Variants in TNFAIP8 observed in about 807,000 individuals in gnomAD.
TNFAIP8 encodes the protein TNF alpha induced protein 8, also known as tumor necrosis factor alpha-induced protein 8.
In TNFAIP8, 7 loss-of-function variants were observed where a neutral mutation model predicts 13.3. That is an observed-to-expected ratio of 0.52 (90% CI 0.30 to 0.99). The LOEUF (loss-of-function observed/expected upper bound fraction) is 0.99. TNFAIP8 is among the 50% of genes least tolerant of loss of function. The pLI is 0.07. For synonymous variants in TNFAIP8, 94 were observed against 87.6 expected, an observed-to-expected ratio of 1.07 and a Z score of -0.41; for missense variants, 258 against 236.9, an observed-to-expected ratio of 1.09 and a Z score of -0.58.
At chr5:119,363,434 G>A (rs778991582) in intron 1 of TNFAIP8, among the ~76,000 whole-genome samples, 12 of 152,182 alleles carry the variant, frequency 7.9e-5, no homozygotes, top group Non-Finnish European at 1.8e-4. Context: ...CTCCATTTCT[G>A]CATGCTTTCC....
At chr5:119,364,022 G>A (rs997337723) in intron 1 of TNFAIP8, among the ~76,000 whole-genome samples, 15 of 152,240 alleles carry the variant, frequency 9.9e-5, no homozygotes, top group African/African-American at 3.6e-4. Context: ...GTAGAGGGAT[G>A]CAAGCTTCCA....
chr5:119,268,862 C>G, exon 1 of TNFAIP8: 1 of 703,666 alleles, frequency 1.4e-6, no homozygotes. Context: ...GCCAAACAGC[C>G]CAGCTCGCGC....
At chr5:119,380,857 G>C (rs1752458371) in intron 1 of TNFAIP8, among the ~76,000 whole-genome samples, 1 of 152,056 alleles carries the variant, frequency 6.6e-6, no homozygotes, top group Admixed American at 6.5e-5. Flanking sequence ...AATATAGTGA[G>C]CTCTGTTTAG....
chr5:119,296,609 C>T (rs1277962404), intron 1 of TNFAIP8, among the ~76,000 whole-genome samples: 2 of 152,058 alleles, frequency 1.3e-5, no homozygotes, highest in Admixed American at 6.5e-5. Context: ...TGCCTGTGCC[C>T]GGCTTTGGTA....
At chr5:119,339,777 C>T (rs1473351388) in intron 1 of TNFAIP8, among the ~76,000 whole-genome samples, 4 of 152,106 alleles carry the variant, frequency 2.6e-5, no homozygotes, top group South Asian at 4.1e-4. Flanking sequence ...ACACTGAAGT[C>T]CAATATAATT....
At chr5:119,329,589 A>G (rs897221994) in intron 1 of TNFAIP8, among the ~76,000 whole-genome samples, 1 of 152,214 alleles carries the variant, frequency 6.6e-6, no homozygotes, top group Non-Finnish European at 1.5e-5. Flanking sequence ...GCGATATGAT[A>G]TGAAGAGAAA....
intron 1 of TNFAIP8, among the ~76,000 whole-genome samples, chr5:119,307,757 T>G (rs993903133): frequency 1.3e-5 from 2 of 152,070 alleles, no homozygotes; most frequent in Non-Finnish European, 2.9e-5. Context: ...AAGTGTATTT[T>G]AGTAAGACTG....
rs1753090227 is a variant in TNFAIP8, at chr5:119,397,041, T to C, written c.*3660T>C. 6.8e-6 allele frequency: 1 copy of C among 147,886 alleles called. No homozygotes were observed. 9.2% of individuals were successfully genotyped at this position (147,886 alleles called of 1,614,324 possible). ...AAGCATGAGTTAAGAACTTTGATCG[T>C]ACAGAAATATTGCGTTTTAAACTCT... On this transcript the variant is annotated 3_prime_UTR_variant, in exon 2 of 2. Transcript: ENST00000504771.
upstream of TNFAIP8, chr5:119,355,867 G>T (rs963698533): frequency 3.9e-5 from 44 of 1,125,558 alleles, no homozygotes; most frequent in Non-Finnish European, 4.8e-5. Flanking sequence ...CTCCGGGGGC[G>T]GACTCCCGCC....
At chr5:119,349,462 G>T (rs1478357537) in intron 1 of TNFAIP8, among the ~76,000 whole-genome samples, 2 of 152,220 alleles carry the variant, frequency 1.3e-5, no homozygotes, top group Non-Finnish European at 2.9e-5. Context: ...GAGGAAAAAT[G>T]AAGAAATAAT....
chr5:119,346,042 C>A (rs1750890902), intron 1 of TNFAIP8, among the ~76,000 whole-genome samples: 1 of 152,076 alleles, frequency 6.6e-6, no homozygotes, highest in Non-Finnish European at 1.5e-5. Context: ...GATAGAGCAC[C>A]CAAACACATG....
At chr5:119,310,462 GGAA>G (rs1581594057) in intron 1 of TNFAIP8, among the ~76,000 whole-genome samples, 2 of 152,230 alleles carry the variant, frequency 1.3e-5, no homozygotes, top group South Asian at 4.1e-4. Flanking sequence ...GTAGGGACAA[GGAA>G]GAAGATCTCA....
intron 1 of TNFAIP8, chr5:119,306,318 C>CTTTTTTTTTTTTTTTTTTTTTT (rs770923933): frequency 8.2e-6 from 1 of 121,758 alleles, no homozygotes; most frequent in African/African-American, 4.2e-5. Context: ...TTCTTTCTTT[C>CTTTTTTTTTTTTTTTTTTTTTT]TTTTTCTTTT....
rs56896742 is a variant in TNFAIP8 at position 119,292,645 on chromosome 5, CATATATATATATATATATATAT to C, written c.1+23758_1+23779del. 7.6e-4 allele frequency among the ~76,000 whole-genome samples: 25 copies of C among 32,830 alleles called. 1 individual carries two copies. Among genetic ancestry groups the C allele is most frequent in the South Asian group, 2.3e-3 (1 of 430 alleles). 21.5% of individuals were successfully genotyped at this position (32,830 alleles called of 152,430 possible). On this transcript the variant is annotated intron_variant, in intron 1 of 1. Transcript: ENST00000274456. Reference sequence around the variant, plus strand: ...ATTAGTGAATGAATAATCAATGTAGCATATATATATATATATATATATATATATATATATATATATACACACA... The same window carrying C: ...ATTAGTGAATGAATAATCAATGTAGCATATATATATATATATATACACACA...
At chr5:119,354,681 TC>T (rs1751314705), upstream of TNFAIP8, 2 of 152,434 alleles carry the variant, frequency 1.3e-5, no homozygotes, top group African/African-American at 4.8e-5. Context: ...ACTATTTTTA[TC>T]TTCATTTTAC....
intron 1 of TNFAIP8, among the ~76,000 whole-genome samples, chr5:119,319,392 T>C (rs1304982391): frequency 1.3e-5 from 2 of 152,238 alleles, no homozygotes; most frequent in Admixed American, 6.5e-5. Flanking sequence ...CAGTTAATAC[T>C]GTAGAGACCC....
At chr5:119,309,737 C>T (rs1749674385) in intron 1 of TNFAIP8, among the ~76,000 whole-genome samples, 2 of 152,272 alleles carry the variant, frequency 1.3e-5, no homozygotes, top group Admixed American at 1.3e-4. Context: ...ATTCTGATAA[C>T]CCCAAAGCCC....
chr5:119,392,856 G>C lies in TNFAIP8; in HGVS notation c.72G>C (p.Gln24His). The change falls in exon 2 of 2, where the codon CAG (glutamine) becomes CAC (histidine). Residue 24 changes from glutamine (Q) to histidine (H), a missense_variant. Gln to His is a conservative substitution (Grantham distance 24, BLOSUM62 0). Transcript: ENST00000504771. The stretch of plus-strand genomic sequence containing the variant: ...TTAATTCCAAAAACCTGGCCGTTCA[G>C]GCACAAAAGAAGATCTTGGGTAAAA... ...DVFNSKNLAV[Q>H]AQKKILGKMV... is the part of the protein sequence containing the mutation. 1 of 1,559,992 alleles carries C rather than the reference G, an allele frequency of 6.4e-7. No homozygotes were observed. Among genetic ancestry groups the C allele is most frequent in the Non-Finnish European group, 8.7e-7 (1 of 1,152,316 alleles).
intron 1 of TNFAIP8, among the ~76,000 whole-genome samples, chr5:119,366,601 G>A (rs1751865834): frequency 6.6e-6 from 1 of 152,232 alleles, no homozygotes; most frequent in Admixed American, 6.5e-5. Flanking sequence ...TCATTTCAAA[G>A]CTGCCTGTGA....
Sources: allele counts gnomAD v4.1 joint callset (sites outside exome capture counted in the v4.1 genomes callset), GRCh38; gene constraint gnomAD v4.1.1; transcripts MANE v1.5; gene names NCBI Gene and HGNC (gene_info 2026-07-23, HGNC 2026-07-21).